ZC3H11A: variants seen among roughly 807,000 people sequenced by gnomAD.
ZC3H11A encodes zinc finger CCCH domain-containing protein 11A.
ZC3H11A carries 22 observed loss-of-function variants against 90.8 expected under a neutral mutation model. The observed-to-expected ratio is 0.24, with a 90% CI of 0.17 to 0.35. The LOEUF (loss-of-function observed/expected upper bound fraction) is 0.35. ZC3H11A is among the 10% of genes least tolerant of loss of function. ZC3H11A has a pLI of 1.00. For synonymous variants in ZC3H11A, 294 were observed against 339.8 expected (o/e 0.87, Z 1.48); for missense variants, 701 against 964.9 (o/e 0.73, Z 3.62).
At chr1:203,804,222 A>G (rs1188033899) in intron 2 of ZC3H11A, among the ~76,000 whole-genome samples, 3 of 142,898 alleles carry the variant, frequency 2.1e-5, no homozygotes, top group Non-Finnish European at 3.0e-5. Context: ...CGTGATCTCG[A>G]TTCACTGCAA....
intron 2 of ZC3H11A, among the ~76,000 whole-genome samples, chr1:203,808,172 TA>T (rs1468405356): frequency 1.3e-5 from 2 of 152,228 alleles, no homozygotes; most frequent in Non-Finnish European, 2.9e-5. Context: ...TTTTTGTATC[TA>T]AAAACTTCTA....
chr1:203,831,658 C>T lies in ZC3H11A; in HGVS notation c.701-3C>T. 1 of 1,609,962 alleles carries T rather than the reference C, an allele frequency of 6.2e-7. No individual in the cohort carries two copies. On this transcript the variant is annotated splice_polypyrimidine_tract_variant and splice_region_variant and intron_variant, in intron 8 of 17. Coordinates refer to ENST00000367210, the MANE Select transcript of ZC3H11A (RefSeq NM_001376342.1). ...TTGCTGTTCTTTGACTTGCCTTATTCAGAGGGTTCTTCAGGAGTTTCCAGT... is the reference window on the plus strand; with the variant it reads ...TTGCTGTTCTTTGACTTGCCTTATTTAGAGGGTTCTTCAGGAGTTTCCAGT...
chr1:203,818,404 T>C (rs1175266141), intron 3 of ZC3H11A, among the ~76,000 whole-genome samples, 166 bp from the exon 4 acceptor site: 1 of 152,140 alleles, frequency 6.6e-6, no homozygotes, highest in African/African-American at 2.4e-5. Context: ...AGGAAATAAT[T>C]TGTTGCTCTC....
At chr1:203,842,471 G>A (rs544770398) in intron 12 of ZC3H11A, among the ~76,000 whole-genome samples, 4 of 152,144 alleles carry the variant, frequency 2.6e-5, no homozygotes, top group Admixed American at 6.5e-5. Context: ...GGCGGCGCGC[G>A]CCTGCAATCC....
chr1:203,821,123 C>G (rs1275619387), intron 4 of ZC3H11A, among the ~76,000 whole-genome samples: 1 of 152,054 alleles, frequency 6.6e-6, no homozygotes, highest in Non-Finnish European at 1.5e-5. Context: ...CGGTTTCCCC[C>G]ACGCTATTCT....
At chr1:203,838,086 T>TTG (rs1440779917) in intron 11 of ZC3H11A, 22 bp downstream of exon 11, 1 of 1,604,272 alleles carries the variant, frequency 6.2e-7, no homozygotes, top group Non-Finnish European at 8.5e-7. Context: ...CTTACATACT[T>TTG]TGTGTGTGTA....
chr1:203,823,900 T>A (rs958381728), intron 4 of ZC3H11A, among the ~76,000 whole-genome samples: 1 of 152,138 alleles, frequency 6.6e-6, no homozygotes, highest in African/African-American at 2.4e-5. Flanking sequence ...AAGGGGAAAC[T>A]AATTTATTGA....
intron 2 of ZC3H11A, among the ~76,000 whole-genome samples, chr1:203,815,938 A>G (rs1373705637): frequency 6.6e-6 from 1 of 152,166 alleles, no homozygotes; most frequent in African/African-American, 2.4e-5. Context: ...GGACTAGGGG[A>G]GAAAATATTT....
chr1:203,800,167 A>C, intron 1 of ZC3H11A: 5 of 1,533,112 alleles, frequency 3.3e-6, no homozygotes, highest in Non-Finnish European at 4.4e-6. Flanking sequence ...TCAGGAGGTG[A>C]TGACCCTTTA....
In ZC3H11A at chr1:203,850,460, C is replaced by T. The variant is rs753031046; in HGVS notation, c.1940-55C>T. On this transcript the variant is annotated intron_variant, in intron 15 of 17. Transcript: ENST00000367210. ...TTTGATATTTTATTCTGAATTATTC[C>T]CCATTTAAAAGAGTCTATTCTCACT... 7 of 1,591,048 alleles carry T rather than the reference C, an allele frequency of 4.4e-6. No homozygotes were observed. The South Asian group carries it at 7.7e-5, about 18-fold the overall frequency.
intron 4 of ZC3H11A, among the ~76,000 whole-genome samples, chr1:203,826,905 C>A (rs1326073432): frequency 1.3e-5 from 2 of 152,126 alleles, no homozygotes; most frequent in African/African-American, 4.8e-5. Context: ...CTTACTTGAT[C>A]AGCACCTAGT....
chr1:203,826,261 T>C (rs1680476059), intron 4 of ZC3H11A, among the ~76,000 whole-genome samples: 1 of 152,040 alleles, frequency 6.6e-6, no homozygotes, highest in African/African-American at 2.4e-5. Context: ...TACTGCTCCT[T>C]GTGGAGCAGG....
At chr1:203,849,263 A>G (rs1250270966) in intron 14 of ZC3H11A, among the ~76,000 whole-genome samples, 1 of 151,624 alleles carries the variant, frequency 6.6e-6, no homozygotes, top group Non-Finnish European at 1.5e-5. Context: ...ATAATGGAGA[A>G]CTCTACAGTG....
Position 203,837,999 on chromosome 1 carries a change from T to G in ZC3H11A, c.908T>G (p.Leu303Arg). ...AGTGATCCTCCATTAAAGCGTAGCC[T>G]GGCACAGAGGCTAGGGAAGAAAGTT... The part of the protein sequence containing the change: ...GDSDPPLKRS[L>R]AQRLGKKVEA... The change falls in exon 11 of 18, where the codon CTG becomes CGG. Residue 303 changes from leucine (L) to arginine (R), a missense_variant. Transcript: ENST00000367210. 1 of 1,614,200 alleles carries G rather than the reference T, an allele frequency of 6.2e-7. No homozygotes were observed. Among genetic ancestry groups the G allele is most frequent in the Non-Finnish European group, 8.5e-7 (1 of 1,180,022 alleles).
intron 11 of ZC3H11A, 145 bp downstream of exon 11, chr1:203,838,209 A>G (rs1450658316): frequency 1.2e-6 from 1 of 805,302 alleles, no homozygotes; most frequent in East Asian, 2.7e-5. Flanking sequence ...CAAACATTTG[A>G]TCCTTAGTCT....
At position 203,801,394 on chromosome 1, in the gene ZC3H11A, G is replaced by A. The variant is rs565848273; in HGVS notation, c.-1587-181G>A. 5 of 152,260 alleles carry A rather than the reference G, an allele frequency of 3.3e-5. No homozygotes were observed. In the East Asian group the frequency reaches 9.6e-4, roughly 29 times the overall value. The allele number at this position is 152,260 out of a possible 1,614,324, so 9.4% of individuals were successfully genotyped here. A position where few individuals can be genotyped will look rare whatever the true frequency, so the allele number is the denominator to read the frequency against. The stretch of plus-strand genomic sequence containing the variant: ...AACTAAGCAGTCGGTATTTTTATGT[G>A]TTAGGAATCATTGGTGAAATGAGTG... On this transcript the variant is annotated intron_variant, in intron 1 of 17. Transcript: ENST00000367210.
chr1:203,837,506 TGTA>T (rs889149785), intron 10 of ZC3H11A, among the ~76,000 whole-genome samples: 8 of 150,092 alleles, frequency 5.3e-5, no homozygotes, highest in African/African-American at 1.5e-4. Flanking sequence ...CAGGCAGGAG[TGTA>T]GTATTATGAT....
chr1:203,798,943 A>G lies in ZC3H11A; in HGVS notation c.-1587-2632A>G, dbSNP rs970711370. The G allele has an allele frequency of 1.6e-5, 25 of 1,536,032 alleles. No individual in the cohort carries two copies. The highest frequency in any genetic ancestry group is 2.7e-5 in the African/African-American group (2 of 73,044). On this transcript the variant is annotated intron_variant, in intron 1 of 17. Transcript: ENST00000367210. ...GAAAAAATTTTCTTAACTTTAGAGAATGTTCAAAGCCAAAAGATACACCTG... is the reference window on the plus strand; with the variant it reads ...GAAAAAATTTTCTTAACTTTAGAGAGTGTTCAAAGCCAAAAGATACACCTG...
chr1:203,799,268 A>T, intron 1 of ZC3H11A: 1 of 748,436 alleles, frequency 1.3e-6, no homozygotes, highest in South Asian at 1.5e-5. Flanking sequence ...CCCATGTGCC[A>T]TGCTTCCTGC....
Sources: allele counts gnomAD v4.1 joint callset (sites outside exome capture counted in the v4.1 genomes callset), GRCh38; gene constraint gnomAD v4.1.1; transcripts MANE v1.5; gene names NCBI Gene and HGNC (gene_info 2026-07-23, HGNC 2026-07-21).